Variants in ACACA observed in about 807,000 individuals in gnomAD.
The protein encoded by ACACA is acetyl-CoA carboxylase 1.
In ACACA, 103 loss-of-function variants were observed where a neutral mutation model predicts 296.1. The ratio of observed to expected loss-of-function variants is 0.35; its 90% CI spans 0.30 to 0.41. The LOEUF is 0.41. ACACA is among the 10% of genes least tolerant of loss of function. The pLI is 1.00. For missense variants in ACACA, 1,554 were observed against 2,989.7 expected (o/e 0.52, Z 11.20); for synonymous variants, 953 against 1,038.6 (o/e 0.92, Z 1.58).
intron 42 of ACACA, among the ~76,000 whole-genome samples, chr17:37,158,632 A>T (rs533859398): frequency 1.3e-5 from 2 of 152,252 alleles, no homozygotes; most frequent in East Asian, 3.9e-4. Flanking sequence ...CCTGTCTCAA[A>T]AAAACAAAAC....
rs55999558 is a variant in ACACA at position 37,164,051 on chromosome 17, T to C, written c.5080-2001A>G. Among the ~76,000 whole-genome samples, 936 of 151,732 alleles carry C rather than the reference T, an allele frequency of 6.2e-3. 12 individuals carry two copies. Among genetic ancestry groups the C allele is most frequent in the African/African-American group, 0.021 (887 of 41,300 alleles). ...ATAAGTAATGTTTTCCATTCTTTTT[T>C]TCCCCCTTTCTTTCTGTCTCTCACC... is the stretch of plus-strand genomic sequence containing the variant. On this transcript the variant is annotated intron_variant, in intron 41 of 55. Transcript: ENST00000616317.
chr17:37,188,928 C>T (rs145455983), intron 38 of ACACA, among the ~76,000 whole-genome samples: 2 of 152,174 alleles, frequency 1.3e-5, no homozygotes, highest in African/African-American at 2.4e-5. Context: ...GCAATTACCA[C>T]CATGAGCTTT....
intron 27 of ACACA, among the ~76,000 whole-genome samples, chr17:37,224,246 G>A (rs1014983233): frequency 6.6e-6 from 1 of 151,976 alleles, no homozygotes; most frequent in African/African-American, 2.4e-5. Flanking sequence ...CTCCACTATG[G>A]TAAACCCTAG....
intron 35 of ACACA, among the ~76,000 whole-genome samples, chr17:37,194,286 C>T (rs938841269): frequency 2.6e-5 from 4 of 151,958 alleles, no homozygotes; most frequent in Non-Finnish European, 5.9e-5. Context: ...GCAGAGAGAC[C>T]GGGACTAGCT....
intron 2 of ACACA, among the ~76,000 whole-genome samples, chr17:37,337,042 C>A (rs2147287502): frequency 1.3e-5 from 2 of 152,208 alleles, no homozygotes; most frequent in Middle Eastern, 6.8e-3. Context: ...GTTAGAAGTG[C>A]AAATTTCTTG....
At chr17:37,298,623 G>C (rs2146849622) in intron 3 of ACACA, among the ~76,000 whole-genome samples, 1 of 152,240 alleles carries the variant, frequency 6.6e-6, no homozygotes, top group Admixed American at 6.5e-5. Context: ...AGAGTTCAAG[G>C]CTACTGTGAG....
At chr17:37,336,629 C>T (rs1484008793) in intron 2 of ACACA, among the ~76,000 whole-genome samples, 1 of 152,112 alleles carries the variant, frequency 6.6e-6, no homozygotes, top group Non-Finnish European at 1.5e-5. Flanking sequence ...TCTTTGGGTC[C>T]CCTCCCTTTG....
intron 14 of ACACA, among the ~76,000 whole-genome samples, chr17:37,255,091 A>G (rs1418180980): frequency 6.6e-6 from 1 of 150,786 alleles, no homozygotes; most frequent in Non-Finnish European, 1.5e-5. Context: ...ACAGAGCAAG[A>G]CTCTGTCTCA....
intron 25 of ACACA, among the ~76,000 whole-genome samples, chr17:37,230,277 A>T (rs2079794339): frequency 6.6e-6 from 1 of 150,878 alleles, no homozygotes; most frequent in South Asian, 2.1e-4. Context: ...CCAGCTACTC[A>T]GGAGGCTGAG....
intron 1 of ACACA, among the ~76,000 whole-genome samples, chr17:37,376,479 T>A (rs1054080970): frequency 1.3e-5 from 2 of 152,230 alleles, no homozygotes; most frequent in African/African-American, 4.8e-5. Flanking sequence ...AAATTCATAC[T>A]GTTCATAAGA....
At chr17:37,283,008 G>A (rs2082613810) in intron 5 of ACACA, among the ~76,000 whole-genome samples, 1 of 152,180 alleles carries the variant, frequency 6.6e-6, no homozygotes, top group Admixed American at 6.5e-5. Flanking sequence ...GCATACACTT[G>A]AAAGCCCAAA....
chr17:37,243,681 A>G, intron 21 of ACACA, 122 bp from the exon 22 acceptor site: 1 of 997,036 alleles, frequency 1.0e-6, no homozygotes, highest in South Asian at 1.3e-5. Flanking sequence ...CATATATGAA[A>G]ATCTGCACAT....
chr17:37,368,319 A>G (rs1480677560), intron 1 of ACACA, among the ~76,000 whole-genome samples: 1 of 151,592 alleles, frequency 6.6e-6, no homozygotes, highest in Non-Finnish European at 1.5e-5. Context: ...TGTGGTTCAC[A>G]CCTATAATCC....
chr17:37,292,275 T>TAA (rs2083106345), intron 3 of ACACA, among the ~76,000 whole-genome samples: 1 of 152,170 alleles, frequency 6.6e-6, no homozygotes, highest in Non-Finnish European at 1.5e-5. Context: ...TAAAAAGCAT[T>TAA]AAACAGTTAG....
intron 11 of ACACA, among the ~76,000 whole-genome samples, chr17:37,262,290 T>C (rs1453179717): frequency 6.6e-6 from 1 of 152,200 alleles, no homozygotes; most frequent in Admixed American, 6.5e-5. Context: ...TAACTGAATT[T>C]TGTCCAGTGG....
intron 54 of ACACA, among the ~76,000 whole-genome samples, chr17:37,090,542 C>A (rs2072546065): frequency 6.6e-6 from 1 of 152,146 alleles, no homozygotes; most frequent in South Asian, 2.1e-4. Flanking sequence ...CAGTGCAAAC[C>A]TGAGTGACCC....
intron 44 of ACACA, among the ~76,000 whole-genome samples, chr17:37,150,680 G>T (rs191085534): frequency 1.3e-5 from 2 of 152,116 alleles, no homozygotes; most frequent in Admixed American, 6.5e-5. Flanking sequence ...TTGAGCCCAG[G>T]GGGTAAAGGC....
At chr17:37,152,993 T>C (rs2076102660) in intron 43 of ACACA, among the ~76,000 whole-genome samples, 1 of 152,182 alleles carries the variant, frequency 6.6e-6, no homozygotes, top group Non-Finnish European at 1.5e-5. Flanking sequence ...ATCCAATAAT[T>C]TCCCAGTTCT....
chr17:37,376,055 C>G, intron 1 of ACACA: 1 of 1,563,234 alleles, frequency 6.4e-7, no homozygotes, highest in Middle Eastern at 1.7e-4. Context: ...GACAGATGAG[C>G]AGTGGTCTGT....
Sources: allele counts gnomAD v4.1 joint callset (sites outside exome capture counted in the v4.1 genomes callset), GRCh38; gene constraint gnomAD v4.1.1; transcripts MANE v1.5; gene names NCBI Gene and HGNC (gene_info 2026-07-23, HGNC 2026-07-21).